Variants in MAPK6 observed in about 807,000 individuals in gnomAD.
MAPK6 encodes the protein mitogen-activated protein kinase 6.
MAPK6 carries 19 observed loss-of-function variants against 59.3 expected under a neutral mutation model. The observed-to-expected ratio is 0.32, with a 90% CI of 0.22 to 0.47. The LOEUF (loss-of-function observed/expected upper bound fraction) is 0.47, where lower values mean the gene tolerates loss of function less well. Ranked by LOEUF, MAPK6 falls within the 20% of genes least tolerant of loss-of-function variation. MAPK6 has a pLI of 1.00. For synonymous variants in MAPK6, 316 were observed against 290.3 expected (o/e 1.09, Z -0.90); for missense variants, 724 against 847.9 (o/e 0.85, Z 1.81).
upstream of MAPK6, among the ~76,000 whole-genome samples, chr15:52,016,070 G>GCGCGCGCGCGCGCACACACACACACA: frequency 1.8e-5 from 1 of 55,392 alleles, no homozygotes; most frequent in Non-Finnish European, 3.4e-5. Context: ...GCGCGCGCGC[G>GCGCGCGCGCGCGCACACACACACACA]CACACACACA....
Position 52,046,250 on chromosome 15 carries a change from C to A in MAPK6, c.-211C>A. The A allele has an allele frequency of 2.1e-6, 1 of 486,726 alleles. No homozygotes were observed. Among genetic ancestry groups the A allele is most frequent in the Admixed American group, 3.9e-5 (1 of 25,580 alleles). The allele number at this position is 486,726 out of a possible 1,614,324, so 30.2% of individuals were successfully genotyped here. A position where few individuals can be genotyped will look rare whatever the true frequency, so the allele number is the denominator to read the frequency against. ...TGAGTACTGCAATCTTTTTAATTCT[C>A]AATATGAATAGAGCTTTTTGAGCTT... On this transcript the variant is annotated 5_prime_UTR_variant, in exon 2 of 6. Coordinates refer to ENST00000261845, the MANE Select transcript of MAPK6 (RefSeq NM_002748.4).
At chr15:52,058,920 A>C (rs1298489173) in intron 4 of MAPK6, 123 bp downstream of exon 4, 3 of 688,922 alleles carry the variant, frequency 4.4e-6, no homozygotes, top group Non-Finnish European at 6.6e-6. Context: ...TTAGACACTT[A>C]AGGTGTACGT....
At chr15:51,992,314 T>TA (rs2057212368) in intron 2 of MAPK6, among the ~76,000 whole-genome samples, 1 of 147,386 alleles carries the variant, frequency 6.8e-6, no homozygotes, top group Non-Finnish European at 1.5e-5. Flanking sequence ...TATTTTTTTT[T>TA]TTTTTGAGAC....
chr15:52,013,020 A>C (rs12909070), intron 3 of MAPK6, among the ~76,000 whole-genome samples: 1 of 19,130 alleles, frequency 5.2e-5, no homozygotes, highest in African/African-American at 1.9e-4. Flanking sequence ...AAAAAAAAAA[A>C]ATATATATAT....
At chr15:52,015,580 C>G (rs541464721), upstream of MAPK6, among the ~76,000 whole-genome samples, 2 of 147,488 alleles carry the variant, frequency 1.4e-5, no homozygotes, top group South Asian at 4.9e-4. Context: ...CGGGTTCAAG[C>G]AATTCTCCTG....
Position 51,984,124 on chromosome 15 carries a change from G to A in MAPK6, c.-770+809G>A, listed in dbSNP as rs142420020. Among the ~76,000 whole-genome samples the A allele has an allele frequency of 4.4e-3, 662 of 152,012 alleles. 5 individuals carry two copies. The highest frequency in any genetic ancestry group is 6.8e-3 in the Middle Eastern group (2 of 294). The stretch of plus-strand genomic sequence containing the variant: ...ACCCATCAAAACACCCATCAATAGA[G>A]AATTGTTCAAATAAATTATAATGAT... On this transcript the variant is annotated intron_variant, in intron 2 of 7. Coordinates refer to the MAPK6 transcript ENST00000691380.
chr15:52,016,060 G>GCACACA (rs1318752815), upstream of MAPK6, among the ~76,000 whole-genome samples: 3 of 56,988 alleles, frequency 5.3e-5, no homozygotes, highest in African/African-American at 7.8e-5. Flanking sequence ...CATCGCGCGC[G>GCACACA]CGCGCGCGCG....
At chr15:52,007,856 T>G (rs2029943827) in intron 3 of MAPK6, among the ~76,000 whole-genome samples, 1 of 151,472 alleles carries the variant, frequency 6.6e-6, no homozygotes, top group Admixed American at 6.6e-5. Flanking sequence ...TCTTTTTTTT[T>G]TTTTTTTTGA....
At chr15:52,043,400 C>G (rs1043432428) in intron 1 of MAPK6, among the ~76,000 whole-genome samples, 1 of 151,528 alleles carries the variant, frequency 6.6e-6, no homozygotes, top group African/African-American at 2.4e-5. Flanking sequence ...CAGGTCCAAG[C>G]GATTCTCTTG....
intron 3 of MAPK6, among the ~76,000 whole-genome samples, chr15:52,055,682 A>ATT (rs2031952658): frequency 6.6e-6 from 1 of 152,032 alleles, no homozygotes; most frequent in South Asian, 2.1e-4. Context: ...TGCCCGGCTA[A>ATT]TTTTTGAAAT....
intron 1 of MAPK6, among the ~76,000 whole-genome samples, chr15:52,043,634 A>G (rs907965643): frequency 6.6e-5 from 10 of 150,968 alleles, no homozygotes; most frequent in Non-Finnish European, 1.3e-4. Flanking sequence ...CCACTATCAC[A>G]TGAGCTAGAT....
chr15:52,052,743 A>C (rs1031129827), intron 3 of MAPK6, among the ~76,000 whole-genome samples: 8 of 152,232 alleles, frequency 5.3e-5, no homozygotes, highest in Non-Finnish European at 7.3e-5. Flanking sequence ...TTTTACGGGC[A>C]AATAGTATTC....
intron 3 of MAPK6, among the ~76,000 whole-genome samples, chr15:52,009,199 A>G (rs1222330839): frequency 1.3e-5 from 2 of 152,168 alleles, no homozygotes; most frequent in African/African-American, 4.8e-5. Context: ...CAAAATATTT[A>G]TCATTCCCTG....
At chr15:52,001,661 A>C (rs2057242397) in intron 2 of MAPK6, among the ~76,000 whole-genome samples, 1 of 151,960 alleles carries the variant, frequency 6.6e-6, no homozygotes, top group Non-Finnish European at 1.5e-5. Flanking sequence ...GGCACGAGTC[A>C]CCACACCTGG....
chr15:51,987,853 C>A (rs1427758408), intron 2 of MAPK6, among the ~76,000 whole-genome samples: 3 of 150,472 alleles, frequency 2.0e-5, no homozygotes, highest in Non-Finnish European at 4.4e-5. Context: ...GCAACCTCCT[C>A]CTCCCGGGTT....
intron 3 of MAPK6, among the ~76,000 whole-genome samples, chr15:52,012,220 C>T (rs1053595808): frequency 2.0e-5 from 3 of 152,204 alleles, no homozygotes; most frequent in Non-Finnish European, 4.4e-5. Context: ...AGACCCAATT[C>T]TCACATCTTT....
chr15:52,024,092 A>T (rs2030656593), intron 1 of MAPK6, among the ~76,000 whole-genome samples: 1 of 152,222 alleles, frequency 6.6e-6, no homozygotes, highest in African/African-American at 2.4e-5. Context: ...GAATCCTAGC[A>T]TTTACCTCAG....
At chr15:52,044,456 G>A (rs1028737781) in intron 1 of MAPK6, among the ~76,000 whole-genome samples, 1 of 152,174 alleles carries the variant, frequency 6.6e-6, no homozygotes, top group African/African-American at 2.4e-5. Context: ...CTAGCATATA[G>A]TAGTTGCTCA....
chr15:52,025,715 T>G (rs1353136345), intron 1 of MAPK6, among the ~76,000 whole-genome samples: 1 of 152,074 alleles, frequency 6.6e-6, no homozygotes, highest in Non-Finnish European at 1.5e-5. Flanking sequence ...GAGAATGGCA[T>G]GAACCCAGGA....
Sources: gnomAD v4.1 joint callset for allele counts (sites outside exome capture counted in the v4.1 genomes callset) on GRCh38, gnomAD v4.1.1 for gene constraint, MANE v1.5 for transcripts, NCBI Gene and HGNC (gene_info 2026-07-23, HGNC 2026-07-21) for gene names.